PCDHA12: variants seen among roughly 807,000 people sequenced by gnomAD.
PCDHA12 encodes protocadherin alpha 12.
PCDHA12 carries 44 observed loss-of-function variants against 60.0 expected under a neutral mutation model. The ratio of observed to expected loss-of-function variants is 0.73; its 90% CI spans 0.58 to 0.94. The LOEUF (loss-of-function observed/expected upper bound fraction) is 0.94, where lower values mean the gene tolerates loss of function less well. Ranked by LOEUF, PCDHA12 falls within the 40% of genes least tolerant of loss-of-function variation. The probability of loss-of-function intolerance (pLI) is 0.00; values close to 1 mark genes in which losing one functional copy is unlikely to be tolerated. For synonymous variants in PCDHA12, 569 were observed against 553.0 expected, an observed-to-expected ratio of 1.03 and a Z score of -0.40; for missense variants, 1,276 against 1,239.7, an observed-to-expected ratio of 1.03 and a Z score of -0.44.
chr5:140,955,647 T>G (rs1395732517), intron 1 of PCDHA12, among the ~76,000 whole-genome samples: 1 of 152,116 alleles, frequency 6.6e-6, no homozygotes, highest in Non-Finnish European at 1.5e-5. Context: ...AACAAATTAA[T>G]ACACATATGA....
intron 1 of PCDHA12, among the ~76,000 whole-genome samples, chr5:140,887,714 T>C (rs772328025): frequency 6.6e-6 from 1 of 152,220 alleles, no homozygotes; most frequent in Admixed American, 6.5e-5. Flanking sequence ...CTTCTTCTAA[T>C]AGTTTTTTCT....
chr5:140,942,511 CAG>C (rs574477918), intron 1 of PCDHA12, among the ~76,000 whole-genome samples: 21 of 151,458 alleles, frequency 1.4e-4, no homozygotes, highest in Non-Finnish European at 2.8e-4. Flanking sequence ...CTAGGAAACT[CAG>C]AGGGGAAGCA....
chr5:140,942,591 T>C (rs1180688838), intron 1 of PCDHA12, among the ~76,000 whole-genome samples: 1 of 147,516 alleles, frequency 6.8e-6, no homozygotes, highest in East Asian at 2.0e-4. Context: ...ATGTCACATA[T>C]AATTATAGTG....
chr5:140,923,792 T>G (rs2081513332), intron 1 of PCDHA12, among the ~76,000 whole-genome samples: 1 of 152,310 alleles, frequency 6.6e-6, no homozygotes, highest in South Asian at 2.1e-4. Flanking sequence ...CTTCATTCTT[T>G]TCACAAATGA....
chr5:140,951,551 A>C (rs246040), intron 1 of PCDHA12, among the ~76,000 whole-genome samples: 2 of 151,590 alleles, frequency 1.3e-5, no homozygotes, highest in African/African-American at 4.8e-5. Flanking sequence ...GACGGGGGGA[A>C]GTGCTACGCA....
At chr5:140,959,203 G>A (rs1554223942) in intron 1 of PCDHA12, among the ~76,000 whole-genome samples, 1 of 152,128 alleles carries the variant, frequency 6.6e-6, no homozygotes. Context: ...ATGGTGAAAT[G>A]CTGTCCTTAC....
intron 1 of PCDHA12, chr5:140,884,363 T>A (rs1444938392): frequency 6.2e-7 from 1 of 1,613,818 alleles, no homozygotes; most frequent in African/African-American, 1.3e-5. Context: ...TGTCAATGTT[T>A]ACTTGATCAT....
In PCDHA12 at chr5:140,876,944, C is replaced by T. The variant is rs550148099; in HGVS notation, c.1472C>T (p.Ser491Phe). Residue 491 changes from serine (S) to phenylalanine (F), a missense_variant, in exon 1 of 4, where the codon TCC (serine) becomes TTC (phenylalanine). Ser to Phe is a radical substitution (Grantham distance 155, BLOSUM62 -2). Transcript: ENST00000398631. ...GACGCGCAGAAGAACGCGCTGGTGT[C>T]CTACTCGCTGGTGGAGCGGCGGGTG... is the stretch of plus-strand genomic sequence containing the variant. ...DADAQKNALV[S>F]YSLVERRVGE... The T allele has an allele frequency of 9.9e-6, 16 of 1,613,620 alleles. No individual in the cohort carries two copies. In the South Asian group the frequency reaches 1.5e-4, roughly 16 times the overall value.
intron 1 of PCDHA12, among the ~76,000 whole-genome samples, chr5:140,973,841 G>A (rs2096604649): frequency 6.6e-6 from 1 of 152,188 alleles, no homozygotes; most frequent in Admixed American, 6.5e-5. Context: ...CTTGCTTGTT[G>A]CCTACCAATT....
At chr5:141,005,574 T>C (rs567844252) in intron 3 of PCDHA12, among the ~76,000 whole-genome samples, 58 of 150,842 alleles carry the variant, frequency 3.8e-4, no homozygotes, top group Non-Finnish European at 7.5e-4. Flanking sequence ...TGGTGGCGCG[T>C]GCCTGTAGTC....
At chr5:141,000,414 TATA>T (rs1563651539) in intron 3 of PCDHA12, among the ~76,000 whole-genome samples, 16 of 99,530 alleles carry the variant, frequency 1.6e-4, no homozygotes, top group African/African-American at 2.5e-4. Flanking sequence ...TATATATATA[TATA>T]TATATTTTTT....
chr5:140,958,997 A>C (rs1356032687), intron 1 of PCDHA12, among the ~76,000 whole-genome samples: 1 of 152,076 alleles, frequency 6.6e-6, no homozygotes, highest in African/African-American at 2.4e-5. Context: ...CTAATCTTTT[A>C]CTGTACCTAA....
chr5:140,976,054 G>A (rs1554237225), intron 1 of PCDHA12, among the ~76,000 whole-genome samples: 1 of 152,134 alleles, frequency 6.6e-6, no homozygotes, highest in African/African-American at 2.4e-5. Context: ...AATTGTGATA[G>A]TAATATATGT....
At position 140,941,191 on chromosome 5, in the gene PCDHA12, TTTTCTTTCTTCC is replaced by T. The variant is rs1293685535; in HGVS notation, c.2368-37735_2368-37724del. 2.6e-3 allele frequency among the ~76,000 whole-genome samples: 239 copies of T among 93,120 alleles called. 3 individuals are homozygous for T. Among genetic ancestry groups the T allele is most frequent in the East Asian group, 5.8e-3 (18 of 3,094 alleles). The allele number at this position is 93,120 out of a possible 152,430, so 61.1% of individuals were successfully genotyped here. ...CATCTTGAACATCCTGCTTCTTTTT[TTTTCTTTCTTCC>T]TTTCTTTCTTCCTTTCTTTCTTTCT... is the stretch of plus-strand genomic sequence containing the variant. On this transcript the variant is annotated intron_variant, in intron 1 of 3. Transcript: ENST00000398631.
chr5:140,992,226 G>A lies in PCDHA12; in HGVS notation c.2515+9663G>A, dbSNP rs926605843. On this transcript the variant is annotated intron_variant, in intron 3 of 3. Coordinates refer to ENST00000398631, the MANE Select transcript of PCDHA12 (RefSeq NM_018903.4). The stretch of plus-strand genomic sequence containing the variant: ...CAGATAAACTACTCTCCCTTCCTGG[G>A]AAGAGTAAGGAAGGAAGTAGAGCTA... Among the ~76,000 whole-genome samples the A allele has an allele frequency of 5.3e-5, 8 of 152,256 alleles. No individual in the cohort carries two copies. The East Asian group carries it at 1.5e-3, about 29-fold the overall frequency.
chr5:140,967,108 G>A (rs2096097580), intron 1 of PCDHA12: 1 of 1,612,960 alleles, frequency 6.2e-7, no homozygotes, highest in South Asian at 1.1e-5. Flanking sequence ...GTGAGCAGCG[G>A]CCTCGCTGCC....
At chr5:140,925,641 T>TATAATA (rs10569930) in intron 1 of PCDHA12, among the ~76,000 whole-genome samples, 37,208 of 143,074 alleles carry the variant, frequency 0.26, 4,933 homozygotes, top group Middle Eastern at 0.29. Context: ...GAACTTAAAG[T>TATAATA]ATAATAATAA....
At chr5:140,940,611 C>T (rs782735444) in intron 1 of PCDHA12, among the ~76,000 whole-genome samples, 1 of 152,144 alleles carries the variant, frequency 6.6e-6, no homozygotes. Flanking sequence ...CTGCTCCTGG[C>T]TCCTGCAAAT....
intron 3 of PCDHA12, among the ~76,000 whole-genome samples, chr5:140,984,824 C>T (rs920985683): frequency 6.6e-6 from 1 of 151,980 alleles, no homozygotes; most frequent in African/African-American, 2.4e-5. Flanking sequence ...TCTTAATTAC[C>T]CTTTCTGTAA....
Sources: allele counts gnomAD v4.1 joint callset (sites outside exome capture counted in the v4.1 genomes callset), GRCh38; gene constraint gnomAD v4.1.1; transcripts MANE v1.5; gene names NCBI Gene and HGNC (gene_info 2026-07-23, HGNC 2026-07-21).